AKAP19: variants seen among roughly 807,000 people sequenced by gnomAD.
AKAP19 encodes the protein A-kinase anchoring protein 19.
chr2:189,993,952 C>T, the AKAP19 span, among the ~76,000 whole-genome samples: 1 of 150,962 alleles, frequency 6.6e-6, no homozygotes. Flanking sequence ...GTCAAAAAGT[C>T]GGCTTTTTGT....
chr2:190,136,372 A>C, the AKAP19 span, among the ~76,000 whole-genome samples: 1 of 152,208 alleles, frequency 6.6e-6, no homozygotes, highest in Non-Finnish European at 1.5e-5. Flanking sequence ...AAGAGTGAGC[A>C]GTCTTGATAA....
the AKAP19 span, among the ~76,000 whole-genome samples, chr2:190,105,115 A>T: frequency 6.6e-6 from 1 of 152,184 alleles, no homozygotes; most frequent in African/African-American, 2.4e-5. Flanking sequence ...TGTTTGACCC[A>T]GCAATTCCAT....
At chr2:190,187,609 C>T in the AKAP19 span, among the ~76,000 whole-genome samples, 1 of 152,056 alleles carries the variant, frequency 6.6e-6, no homozygotes. Flanking sequence ...CCTATCATCC[C>T]AGCACTTTGA....
the AKAP19 span, among the ~76,000 whole-genome samples, chr2:189,974,483 A>AAT: frequency 0.93 from 140,871 of 151,848 alleles, 65,390 homozygotes; most frequent in East Asian, 0.97. Flanking sequence ...GTTCTGTAGC[A>AAT]GTCTATGAGG....
chr2:189,888,866 A>G, the AKAP19 span, among the ~76,000 whole-genome samples: 1 of 152,310 alleles, frequency 6.6e-6, no homozygotes, highest in South Asian at 2.1e-4. Flanking sequence ...TTTTCTAAAT[A>G]TACAATCATG....
chr2:190,190,074 TTAAAG>T, the AKAP19 span: 3 of 152,198 alleles, frequency 2.0e-5, no homozygotes, highest in East Asian at 5.8e-4. Context: ...TTATATCTTA[TTAAAG>T]TAAAAATTAC....
At chr2:190,005,257 G>T in the AKAP19 span, among the ~76,000 whole-genome samples, 1 of 152,150 alleles carries the variant, frequency 6.6e-6, no homozygotes, top group African/African-American at 2.4e-5. Context: ...GGCTCAGGTG[G>T]CCAGCTTTTA....
chr2:190,070,248 G>T, the AKAP19 span, among the ~76,000 whole-genome samples: 1 of 152,032 alleles, frequency 6.6e-6, no homozygotes, highest in South Asian at 2.1e-4. Flanking sequence ...ATTTGCTCAG[G>T]TATTGGGGTC....
At chr2:189,888,271 G>A in the AKAP19 span, among the ~76,000 whole-genome samples, 13 of 152,186 alleles carry the variant, frequency 8.5e-5, no homozygotes, top group East Asian at 9.6e-4. Flanking sequence ...GTAGATAGGC[G>A]GGATTATTTC....
chr2:189,986,418 CA>C, the AKAP19 span, among the ~76,000 whole-genome samples: 99 of 139,758 alleles, frequency 7.1e-4, no homozygotes, highest in South Asian at 1.6e-3. Context: ...AAAAGAAAAA[CA>C]AAAAAAAAAA....
the AKAP19 span, among the ~76,000 whole-genome samples, chr2:189,987,178 C>G: frequency 1.3e-5 from 2 of 152,088 alleles, no homozygotes. Context: ...GCCGGTCTTT[C>G]CATGCTATTC....
chr2:190,087,133 G>T, the AKAP19 span, among the ~76,000 whole-genome samples: 3 of 152,212 alleles, frequency 2.0e-5, no homozygotes, highest in Non-Finnish European at 2.9e-5. Context: ...TTATATATTA[G>T]TTGCTGGCTT....
the AKAP19 span, among the ~76,000 whole-genome samples, chr2:190,035,884 A>G: frequency 6.6e-6 from 1 of 152,208 alleles, no homozygotes; most frequent in South Asian, 2.1e-4. Context: ...ATTCACAAAC[A>G]GATTTTATTG....
At chr2:190,151,862 G>A in the AKAP19 span, among the ~76,000 whole-genome samples, 35 of 151,958 alleles carry the variant, frequency 2.3e-4, no homozygotes, top group African/African-American at 8.2e-4. Flanking sequence ...AATAAGCTAG[G>A]CATGGTGGCA....
the AKAP19 span, among the ~76,000 whole-genome samples, chr2:189,974,894 T>C: frequency 6.6e-6 from 1 of 152,220 alleles, no homozygotes; most frequent in Non-Finnish European, 1.5e-5. Flanking sequence ...GAGATGAGTC[T>C]CCTGAATACA....
the AKAP19 span, among the ~76,000 whole-genome samples, chr2:189,896,213 G>A: frequency 6.6e-6 from 1 of 151,908 alleles, no homozygotes; most frequent in Non-Finnish European, 1.5e-5. Context: ...TATTTTTTCA[G>A]TTTTCTAGTT....
At chr2:190,057,350 A>T in the AKAP19 span, 1 of 1,613,574 alleles carries the variant, frequency 6.2e-7, no homozygotes, top group Non-Finnish European at 8.5e-7. Flanking sequence ...TTAATTGGAG[A>T]CATCTTTGTG....
the AKAP19 span, among the ~76,000 whole-genome samples, chr2:189,954,049 G>C: frequency 2.0e-5 from 3 of 152,214 alleles, no homozygotes; most frequent in African/African-American, 7.2e-5. Context: ...GTAGTAAAAT[G>C]AACATCAAGG....
chr2:189,968,522 G>A, the AKAP19 span, among the ~76,000 whole-genome samples: 4 of 152,202 alleles, frequency 2.6e-5, no homozygotes, highest in Admixed American at 2.0e-4. Context: ...TTATAGACAT[G>A]AGCCAGTGCG....
Sources: allele counts gnomAD v4.1 joint callset (sites outside exome capture counted in the v4.1 genomes callset), GRCh38; gene constraint gnomAD v4.1.1; transcripts MANE v1.5; gene names NCBI Gene and HGNC (gene_info 2026-07-23, HGNC 2026-07-21).